The following KLHL32 variants were observed in gnomAD, a reference collection of about 807,000 sequenced individuals.
KLHL32 encodes kelch-like protein 32.
A neutral mutation model predicts 64.8 loss-of-function variants in KLHL32; 35 were observed. The ratio of observed to expected loss-of-function variants is 0.54; its 90% CI spans 0.41 to 0.72. KLHL32 has a LOEUF of 0.72. KLHL32 is among the 30% of genes least tolerant of loss of function. The pLI is 0.00. For synonymous variants in KLHL32, 259 were observed against 281.0 expected, an observed-to-expected ratio of 0.92 and a Z score of 0.78; for missense variants, 589 against 768.5, an observed-to-expected ratio of 0.77 and a Z score of 2.76.
At chr6:97,059,081 C>T (rs1360788623) in intron 4 of KLHL32, among the ~76,000 whole-genome samples, 1 of 152,152 alleles carries the variant, frequency 6.6e-6, no homozygotes, top group Non-Finnish European at 1.5e-5. Context: ...AAGCAGACAG[C>T]GTGACCTAGA....
chr6:97,119,958 T>C (rs577950608), intron 7 of KLHL32, among the ~76,000 whole-genome samples: 2 of 152,084 alleles, frequency 1.3e-5, no homozygotes, highest in East Asian at 3.9e-4. Context: ...GAAGACGAAA[T>C]CCAGAGGTGA....
chr6:97,048,243 A>G (rs1218547089), intron 4 of KLHL32, among the ~76,000 whole-genome samples: 2 of 152,200 alleles, frequency 1.3e-5, no homozygotes, highest in Non-Finnish European at 2.9e-5. Flanking sequence ...GCTGTGAACC[A>G]ATTATGTCAT....
At chr6:96,957,101 T>G (rs1773364754) in intron 1 of KLHL32, among the ~76,000 whole-genome samples, 1 of 152,246 alleles carries the variant, frequency 6.6e-6, no homozygotes, top group South Asian at 2.1e-4. Context: ...CACAGACTAT[T>G]TTTAATCTTT....
At chr6:96,902,318 T>C in the KLHL32 span, among the ~76,000 whole-genome samples, 1 of 152,214 alleles carries the variant, frequency 6.6e-6, no homozygotes, top group African/African-American at 2.4e-5. Flanking sequence ...TGCTATCTCA[T>C]TGTGGTTTTG....
At chr6:97,107,263 G>A (rs1339567495) in intron 6 of KLHL32, among the ~76,000 whole-genome samples, 5 of 150,066 alleles carry the variant, frequency 3.3e-5, no homozygotes, top group Admixed American at 6.6e-5. Flanking sequence ...ACTGCAGTCC[G>A]GCCTGGGCGA....
At chr6:96,931,509 T>A (rs775971922) in intron 1 of KLHL32, among the ~76,000 whole-genome samples, 9 of 152,246 alleles carry the variant, frequency 5.9e-5, no homozygotes, top group Non-Finnish European at 1.3e-4. Context: ...TGTCCTTAAA[T>A]AAAATACTTT....
the KLHL32 span, among the ~76,000 whole-genome samples, chr6:96,899,655 GCAGATGCACTCCAT>G: frequency 6.6e-6 from 1 of 152,142 alleles, no homozygotes; most frequent in Non-Finnish European, 1.5e-5. Context: ...AAAACAGAAG[GCAGATGCACTCCAT>G]CAGAAACTCA....
chr6:96,983,624 C>A (rs914857309), intron 3 of KLHL32, among the ~76,000 whole-genome samples: 1 of 152,258 alleles, frequency 6.6e-6, no homozygotes, highest in African/African-American at 2.4e-5. Flanking sequence ...GTGTATGTGT[C>A]GGGGAATTTA....
chr6:97,100,526 G>A (rs1795566458), intron 6 of KLHL32, among the ~76,000 whole-genome samples: 1 of 152,066 alleles, frequency 6.6e-6, no homozygotes, highest in African/African-American at 2.4e-5. Context: ...GTGCCCCATG[G>A]CTCTAAAAGA....
chr6:97,113,719 G>T (rs1377052954), intron 6 of KLHL32, 64 bp from the exon 7 acceptor site: 11 of 1,562,396 alleles, frequency 7.0e-6, no homozygotes, highest in Non-Finnish European at 7.8e-6. Flanking sequence ...CTACCTATAT[G>T]CTGTTGCTTT....
chr6:97,002,698 T>C (rs1327833261), intron 3 of KLHL32, among the ~76,000 whole-genome samples: 1 of 152,204 alleles, frequency 6.6e-6, no homozygotes, highest in East Asian at 1.9e-4. Context: ...AGTGTTTAGC[T>C]CCCACTTATA....
Position 97,114,149 on chromosome 6 carries a change from A to C in KLHL32, c.994A>C (p.Met332Leu). Residue 332 changes from methionine to leucine, a missense_variant, in exon 7 of 11, where the codon ATG becomes CTG. By Grantham distance (15) the Met-to-Leu change is conservative (BLOSUM62 2). Around this residue, in one of 3 missense-constraint regions of KLHL32, gnomAD observed 226 missense variants for 353.2 expected, o/e 0.64. Transcript: ENST00000369261. Reference sequence around the variant, plus strand: ...TGCCAACTGGAGTGAGCTGGCTCCCATGCCTGTGGGAAGGAGCCACCATTG... The same window carrying C: ...TGCCAACTGGAGTGAGCTGGCTCCCCTGCCTGTGGGAAGGAGCCACCATTG... ...AIANWSELAP[M>L]PVGRSHHCVA... The C allele has an allele frequency of 6.2e-7, 1 of 1,614,170 alleles. No individual in the cohort carries two copies. Among genetic ancestry groups the C allele is most frequent in the Non-Finnish European group, 8.5e-7 (1 of 1,180,034 alleles).
intron 2 of KLHL32, among the ~76,000 whole-genome samples, chr6:96,974,023 C>A (rs1395602141): frequency 6.6e-6 from 1 of 151,964 alleles, no homozygotes; most frequent in Non-Finnish European, 1.5e-5. Flanking sequence ...TACCTGACTT[C>A]TTCTCTTTTT....
At chr6:97,126,277 A>C (rs1226316436) in intron 7 of KLHL32, among the ~76,000 whole-genome samples, 1 of 151,900 alleles carries the variant, frequency 6.6e-6, no homozygotes, top group African/African-American at 2.4e-5. Flanking sequence ...TTGGTCCCAT[A>C]TCCTTGATAT....
chr6:97,075,024 C>T (rs1232283801), intron 5 of KLHL32, among the ~76,000 whole-genome samples: 1 of 152,070 alleles, frequency 6.6e-6, no homozygotes, highest in African/African-American at 2.4e-5. Context: ...GTTTCACTTC[C>T]TCCCTACTAG....
At chr6:96,989,499 G>T (rs772355368) in intron 3 of KLHL32, among the ~76,000 whole-genome samples, 1 of 152,090 alleles carries the variant, frequency 6.6e-6, no homozygotes, top group Non-Finnish European at 1.5e-5. Context: ...TTGTATATGT[G>T]ATTTGCCCTT....
In KLHL32 at chr6:96,975,930, TGA is replaced by T. The variant is rs1468313051; in HGVS notation, c.24-61_24-60del. 2.3e-6 allele frequency: 3 copies of T among 1,332,404 alleles called. No individual in the cohort carries two copies. In the East Asian group the frequency reaches 7.6e-5, roughly 34 times the overall value. The allele number at this position is 1,332,404 out of a possible 1,614,324, so 82.5% of individuals were successfully genotyped here. On this transcript the variant is annotated intron_variant, in intron 2 of 10. Coordinates refer to ENST00000369261, the MANE Select transcript of KLHL32 (RefSeq NM_052904.4). Reference sequence around the variant, plus strand: ...GTTGCCTCAGTCGATGTTCAAGGAATGAGAGAGCAGCTGGCCCACAGGGCTGG... The same window carrying T: ...GTTGCCTCAGTCGATGTTCAAGGAATGAGAGCAGCTGGCCCACAGGGCTGG...
At chr6:96,944,865 G>A (rs1242564578) in intron 1 of KLHL32, among the ~76,000 whole-genome samples, 3 of 152,104 alleles carry the variant, frequency 2.0e-5, no homozygotes, top group Admixed American at 6.6e-5. Context: ...ATTCTTCATC[G>A]AAGAATAAAC....
At chr6:96,991,814 G>A (rs1777908499) in intron 3 of KLHL32, among the ~76,000 whole-genome samples, 1 of 152,116 alleles carries the variant, frequency 6.6e-6, no homozygotes, top group African/African-American at 2.4e-5. Flanking sequence ...AGCAGGGAGT[G>A]GCCAAGGTCG....
Sources: gnomAD v4.1 joint callset for allele counts (sites outside exome capture counted in the v4.1 genomes callset) on GRCh38, gnomAD v4.1.1 for gene constraint, gnomAD v4.1.1 regional missense constraint, MANE v1.5 for transcripts, NCBI Gene and HGNC (gene_info 2026-07-23, HGNC 2026-07-21) for gene names.